Variants in KATNIP observed in about 807,000 individuals in gnomAD.
KATNIP encodes the protein katanin interacting protein.
A neutral mutation model predicts 174.0 loss-of-function variants in KATNIP; 126 were observed. That is an observed-to-expected ratio of 0.72 (90% CI 0.63 to 0.84). The LOEUF (loss-of-function observed/expected upper bound fraction) is 0.84. KATNIP is among the 40% of genes least tolerant of loss of function. KATNIP has a pLI of 0.00. For synonymous variants in KATNIP, 810 were observed against 835.7 expected (o/e 0.97, Z 0.53); for missense variants, 1,958 against 2,109.7 (o/e 0.93, Z 1.41).
intron 2 of KATNIP, among the ~76,000 whole-genome samples, chr16:27,587,345 G>A (rs1393385020): frequency 6.6e-6 from 1 of 152,220 alleles, no homozygotes; most frequent in East Asian, 1.9e-4. Context: ...GGGTAGGGAG[G>A]CAGGGTTGGT....
chr16:27,572,977 C>G (rs576380571), intron 1 of KATNIP, among the ~76,000 whole-genome samples: 1 of 152,352 alleles, frequency 6.6e-6, no homozygotes, highest in South Asian at 2.1e-4. Context: ...GACCCCTCCC[C>G]TACCCCTCAC....
chr16:27,553,530 G>A (rs534134425), intron 1 of KATNIP, among the ~76,000 whole-genome samples: 1 of 152,118 alleles, frequency 6.6e-6, no homozygotes, highest in East Asian at 1.9e-4. Flanking sequence ...AGAATGTCCT[G>A]ATGGTTGGGT....
intron 13 of KATNIP, chr16:27,718,277 C>G (rs947388562): frequency 1.3e-5 from 2 of 152,232 alleles, no homozygotes; most frequent in African/African-American, 2.4e-5. Flanking sequence ...AGCCATGAAC[C>G]AAGGGCGGTA....
intron 2 of KATNIP, among the ~76,000 whole-genome samples, chr16:27,587,937 G>T (rs1269532248): frequency 1.4e-5 from 2 of 143,120 alleles, no homozygotes; most frequent in East Asian, 4.0e-4. Context: ...TTTTTTTGAG[G>T]CAGGGTCTCA....
chr16:27,731,893 T>C (rs904632226), intron 14 of KATNIP, among the ~76,000 whole-genome samples: 2 of 152,148 alleles, frequency 1.3e-5, no homozygotes, highest in African/African-American at 4.8e-5. Flanking sequence ...AGTGCTGGGA[T>C]TACAGGCATG....
intron 20 of KATNIP, among the ~76,000 whole-genome samples, chr16:27,767,590 T>C (rs1331864573): frequency 6.6e-6 from 1 of 152,176 alleles, no homozygotes; most frequent in African/African-American, 2.4e-5. Context: ...GGCACACACC[T>C]GTAGTCCCAG....
intron 1 of KATNIP, among the ~76,000 whole-genome samples, chr16:27,564,787 CGGAGTTTCACTCTT>C (rs1176034284): frequency 1.3e-5 from 2 of 151,298 alleles, no homozygotes; most frequent in East Asian, 3.9e-4. Context: ...TTTTTTTTGA[CGGAGTTTCACTCTT>C]CTTGCCCAAG....
intron 6 of KATNIP, among the ~76,000 whole-genome samples, chr16:27,660,332 T>C (rs991965646): frequency 2.2e-4 from 34 of 152,196 alleles, no homozygotes; most frequent in Admixed American, 1.0e-3. Flanking sequence ...GCGGATCACC[T>C]GAGGTCAGGA....
At chr16:27,600,985 A>T in intron 2 of KATNIP, among the ~76,000 whole-genome samples, 1 of 152,206 alleles carries the variant, frequency 6.6e-6, no homozygotes, top group South Asian at 2.1e-4. Flanking sequence ...CACCCGCCTC[A>T]GCCTCCCAAA....
intron 17 of KATNIP, among the ~76,000 whole-genome samples, chr16:27,753,894 C>T (rs191844410): frequency 2.9e-4 from 44 of 151,830 alleles, no homozygotes; most frequent in Admixed American, 2.0e-3. Flanking sequence ...TTATTGAGTC[C>T]TTCCCTGTTG....
intron 6 of KATNIP, among the ~76,000 whole-genome samples, chr16:27,676,747 G>A (rs2078132485): frequency 6.6e-6 from 1 of 152,026 alleles, no homozygotes; most frequent in South Asian, 2.1e-4. Flanking sequence ...ATAGCTCACT[G>A]CAGCCTCAAC....
intron 2 of KATNIP, among the ~76,000 whole-genome samples, chr16:27,581,130 G>A (rs2090684066): frequency 6.6e-6 from 1 of 152,026 alleles, no homozygotes; most frequent in African/African-American, 2.4e-5. Context: ...GGTAAATAAA[G>A]GCTATAAATT....
rs571028082 is a variant in KATNIP at position 27,617,470 on chromosome 16, G to A, written c.64-955G>A. On this transcript the variant is annotated intron_variant, in intron 2 of 27. Transcript: ENST00000261588. ...TGGTAAATCACTGTGACTGGGGGAA[G>A]CCCTATGTTGATTGGCAAGGCCAAG... Among the ~76,000 whole-genome samples, 121 of 152,330 alleles carry A rather than the reference G, an allele frequency of 7.9e-4. 2 individuals are homozygous for A. In the South Asian group the frequency reaches 0.025, roughly 31 times the overall value.
chr16:27,580,238 G>C (rs1435446310), intron 2 of KATNIP, among the ~76,000 whole-genome samples: 3 of 152,134 alleles, frequency 2.0e-5, no homozygotes, highest in Admixed American at 6.5e-5. Context: ...TCAGCCTCTT[G>C]AGTAGTGGAG....
chr16:27,611,279 C>T (rs1305471997), intron 2 of KATNIP, among the ~76,000 whole-genome samples: 1 of 152,174 alleles, frequency 6.6e-6, no homozygotes, highest in Non-Finnish European at 1.5e-5. Context: ...ACAATAAGCC[C>T]TTGATAAATG....
At chr16:27,611,839 C>G (rs944445823) in intron 2 of KATNIP, among the ~76,000 whole-genome samples, 1 of 152,160 alleles carries the variant, frequency 6.6e-6, no homozygotes, top group Non-Finnish European at 1.5e-5. Context: ...AACAACTCAG[C>G]ACTTAATTAT....
chr16:27,725,288 C>T (rs766539826), intron 14 of KATNIP, among the ~76,000 whole-genome samples: 27 of 152,170 alleles, frequency 1.8e-4, no homozygotes, highest in Non-Finnish European at 1.0e-4. Context: ...ATCTTATAGA[C>T]GAAGAAGCCA....
At chr16:27,617,203 G>C (rs1260716664) in intron 2 of KATNIP, among the ~76,000 whole-genome samples, 1 of 152,114 alleles carries the variant, frequency 6.6e-6, no homozygotes, top group Non-Finnish European at 1.5e-5. Context: ...AACTTCTAAG[G>C]CATTAACTGA....
At chr16:27,695,716 A>C (rs965025013) in intron 8 of KATNIP, among the ~76,000 whole-genome samples, 1 of 152,226 alleles carries the variant, frequency 6.6e-6, no homozygotes, top group Non-Finnish European at 1.5e-5. Flanking sequence ...GTTGAGATTC[A>C]GTAGGTAAAC....
Sources: allele counts gnomAD v4.1 joint callset (sites outside exome capture counted in the v4.1 genomes callset), GRCh38; gene constraint gnomAD v4.1.1; transcripts MANE v1.5; gene names NCBI Gene and HGNC (gene_info 2026-07-23, HGNC 2026-07-21).